The following CADM2 variants were observed in gnomAD, a reference collection of about 807,000 sequenced individuals.
CADM2 encodes the protein cell adhesion molecule 2, also known as immunoglobulin superfamily member 4D.
CADM2 carries 12 observed loss-of-function variants against 49.8 expected under a neutral mutation model. The ratio of observed to expected loss-of-function variants is 0.24; its 90% CI spans 0.15 to 0.39. The LOEUF is 0.39. CADM2 is among the 10% of genes least tolerant of loss of function. CADM2 has a pLI of 1.00. For missense variants in CADM2, 378 were observed against 492.3 expected (o/e 0.77, Z 2.20); for synonymous variants, 214 against 175.4 (o/e 1.22, Z -1.74).
chr3:85,821,846 T>G (rs2073594544), intron 3 of CADM2, among the ~76,000 whole-genome samples: 1 of 152,134 alleles, frequency 6.6e-6, no homozygotes, highest in Admixed American at 6.6e-5. Flanking sequence ...AAATGCAAGT[T>G]TCAGCTTATT....
At chr3:85,201,433 T>C (rs1295799664) in intron 1 of CADM2, among the ~76,000 whole-genome samples, 1 of 152,204 alleles carries the variant, frequency 6.6e-6, no homozygotes, top group Non-Finnish European at 1.5e-5. Flanking sequence ...AGTTATAATA[T>C]TTTGGCTGTT....
chr3:85,899,679 A>G (rs1715835188), intron 5 of CADM2, among the ~76,000 whole-genome samples: 1 of 152,202 alleles, frequency 6.6e-6, no homozygotes, highest in Non-Finnish European at 1.5e-5. Flanking sequence ...AGACCAGAAC[A>G]GTATTTGACT....
chr3:85,144,090 A>G (rs527837977), intron 1 of CADM2, among the ~76,000 whole-genome samples: 1 of 152,178 alleles, frequency 6.6e-6, no homozygotes, highest in South Asian at 2.1e-4. Flanking sequence ...TTGGATTTCT[A>G]CTGCACCAAA....
chr3:86,066,950 T>C lies in CADM2; in HGVS notation c.*167T>C, dbSNP rs1336992492. ...CAACAATCAGCTGTTGAAAGCATCA[T>C]TCTTTAATTACTGTACCATCCATAA... On this transcript the variant is annotated 3_prime_UTR_variant, in exon 10 of 10. Coordinates refer to ENST00000383699, the MANE Select transcript of CADM2 (RefSeq NM_001167675.2). 10 of 620,538 alleles carry C rather than the reference T, an allele frequency of 1.6e-5. No individual in the cohort carries two copies. The highest frequency in any genetic ancestry group is 1.4e-4 in the East Asian group (5 of 37,016). 38.4% of individuals were successfully genotyped at this position (620,538 alleles called of 1,614,324 possible).
intron 1 of CADM2, among the ~76,000 whole-genome samples, chr3:85,695,410 T>C (rs749982650): frequency 2.0e-5 from 3 of 152,084 alleles, no homozygotes; most frequent in Non-Finnish European, 4.4e-5. Flanking sequence ...TAGCTCTCAC[T>C]TATAAGTGAG....
At chr3:85,460,465 A>G (rs1354504010) in intron 1 of CADM2, among the ~76,000 whole-genome samples, 1 of 152,166 alleles carries the variant, frequency 6.6e-6, no homozygotes, top group Non-Finnish European at 1.5e-5. Context: ...CCTTCCTTGC[A>G]TTTCAAAATG....
At chr3:85,214,105 T>C (rs1180534668) in intron 1 of CADM2, among the ~76,000 whole-genome samples, 2 of 152,124 alleles carry the variant, frequency 1.3e-5, no homozygotes, top group East Asian at 3.9e-4. Flanking sequence ...ACTCAGGTGT[T>C]GTGATCCAAG....
rs536835155 is a variant in CADM2, at chr3:85,326,252, A to G, written c.61+366584A>G. ...ATATTTAAGTGATTCTACAGCCTGT[A>G]TTGTTTTTCTAGTGAAATATAATGA... On this transcript the variant is annotated intron_variant, in intron 1 of 9. Transcript: ENST00000383699. 5.9e-5 allele frequency among the ~76,000 whole-genome samples: 9 copies of G among 152,208 alleles called. No individual in the cohort carries two copies. The South Asian group carries it at 1.2e-3, about 21-fold the overall frequency.
chr3:85,964,958 T>C (rs1268768033), intron 8 of CADM2, among the ~76,000 whole-genome samples: 1 of 151,694 alleles, frequency 6.6e-6, no homozygotes, highest in Non-Finnish European at 1.5e-5. Flanking sequence ...TGGCTTTGAA[T>C]ATCTTGACCC....
chr3:85,949,219 T>C (rs887050546), intron 7 of CADM2, among the ~76,000 whole-genome samples: 3 of 151,030 alleles, frequency 2.0e-5, no homozygotes, highest in South Asian at 4.2e-4. Context: ...AAGAAAATAA[T>C]AGAAAAGGAA....
intron 4 of CADM2, among the ~76,000 whole-genome samples, chr3:85,885,498 C>A (rs1455670592): frequency 1.3e-5 from 2 of 151,762 alleles, no homozygotes; most frequent in African/African-American, 2.4e-5. Flanking sequence ...TGGAGAACCA[C>A]CCCCACCTCC....
intron 1 of CADM2, among the ~76,000 whole-genome samples, chr3:85,510,311 A>G (rs941459716): frequency 1.3e-5 from 2 of 152,088 alleles, no homozygotes; most frequent in East Asian, 3.8e-4. Flanking sequence ...TTACAACACA[A>G]GAAAACTGCA....
intron 1 of CADM2, among the ~76,000 whole-genome samples, chr3:85,541,591 A>G (rs897954876): frequency 2.0e-5 from 3 of 150,188 alleles, no homozygotes; most frequent in Non-Finnish European, 3.0e-5. Flanking sequence ...TCTTGGGTCC[A>G]CTCATTGTAT....
At chr3:85,322,789 C>T (rs1209716468) in intron 1 of CADM2, among the ~76,000 whole-genome samples, 2 of 152,042 alleles carry the variant, frequency 1.3e-5, no homozygotes, top group African/African-American at 4.8e-5. Context: ...GGTGGGTATC[C>T]AGGGGGAGTC....
At chr3:85,198,465 ATG>A (rs201994300) in intron 1 of CADM2, among the ~76,000 whole-genome samples, 3 of 148,214 alleles carry the variant, frequency 2.0e-5, no homozygotes, top group East Asian at 4.1e-4. Flanking sequence ...TGTTAATAGC[ATG>A]TTTTTTTTTT....
At chr3:85,183,984 A>G (rs1238044690) in intron 1 of CADM2, among the ~76,000 whole-genome samples, 2 of 152,138 alleles carry the variant, frequency 1.3e-5, no homozygotes, top group Admixed American at 6.6e-5. Flanking sequence ...GCAAAATGAC[A>G]TGAACAAGAA....
chr3:85,864,517 G>C (rs1298464348), intron 3 of CADM2, among the ~76,000 whole-genome samples: 1 of 152,038 alleles, frequency 6.6e-6, no homozygotes, highest in Non-Finnish European at 1.5e-5. Context: ...ATATGTACTG[G>C]AGGCTGTCAG....
At chr3:85,749,033 C>G (rs1469724691) in intron 2 of CADM2, among the ~76,000 whole-genome samples, 1 of 151,952 alleles carries the variant, frequency 6.6e-6, no homozygotes, top group Non-Finnish European at 1.5e-5. Context: ...GCTTATGATT[C>G]ATATCTAATG....
intron 1 of CADM2, among the ~76,000 whole-genome samples, chr3:85,449,039 G>T (rs2037615172): frequency 1.9e-5 from 1 of 52,292 alleles, no homozygotes; most frequent in Admixed American, 2.3e-4. Flanking sequence ...AAAGGGGCGA[G>T]ACTCCAACTC....
Sources: allele counts gnomAD v4.1 joint callset (sites outside exome capture counted in the v4.1 genomes callset), GRCh38; gene constraint gnomAD v4.1.1; transcripts MANE v1.5; gene names NCBI Gene and HGNC (gene_info 2026-07-23, HGNC 2026-07-21).